The following ZSCAN32 variants were observed in gnomAD, a reference collection of about 807,000 sequenced individuals.
ZSCAN32 encodes zinc finger and SCAN domain-containing protein 32.
ZSCAN32 carries 52 observed loss-of-function variants against 47.4 expected under a neutral mutation model. The observed-to-expected ratio is 1.10, with a 90% confidence interval of 0.88 to 1.38. The LOEUF (loss-of-function observed/expected upper bound fraction) is 1.38. Ranked by LOEUF, ZSCAN32 falls within the 40% of genes most tolerant of loss-of-function variation. The pLI is 0.00. For missense variants in ZSCAN32, 959 were observed against 846.0 expected (o/e 1.13, Z -1.66); for synonymous variants, 346 against 305.7 (o/e 1.13, Z -1.38).
chr16:3,392,554 G>A lies in ZSCAN32; in HGVS notation c.532+1095C>T, dbSNP rs565926558. On this transcript the variant is annotated intron_variant, in intron 3 of 6. Coordinates refer to ENST00000396852, the MANE Select transcript of ZSCAN32 (RefSeq NM_001284527.2). ...TTTAAAAAGTTTTCTAAGGCCAGGC[G>A]TGGTGGCTCATGCCTGTAATCCCAG... Among the ~76,000 whole-genome samples the A allele has an allele frequency of 1.4e-4, 21 of 152,214 alleles. No homozygotes were observed. In the East Asian group the frequency reaches 2.3e-3, roughly 17 times the overall value.
In ZSCAN32 at chr16:3,383,862, T is replaced by C. The variant is rs368594357; in HGVS notation, c.1235-151A>G. On this transcript the variant is annotated intron_variant, in intron 6 of 6. Coordinates refer to ENST00000396852, the MANE Select transcript of ZSCAN32 (RefSeq NM_001284527.2). ...TGCTAATTAATAGCTTTTTATTTTC[T>C]CATTGTAATATTTTTGAGCTCCAAA... 1.2e-4 allele frequency: 114 copies of C among 927,290 alleles called. 2 individuals carry two copies. In the South Asian group the frequency reaches 2.4e-3, roughly 20 times the overall value. The allele number at this position is 927,290 out of a possible 1,614,324, so 57.4% of individuals were successfully genotyped here.
intron 2 of ZSCAN32, among the ~76,000 whole-genome samples, chr16:3,394,257 C>T (rs940037380): frequency 1.3e-5 from 2 of 152,094 alleles, no homozygotes; most frequent in African/African-American, 2.4e-5. Flanking sequence ...CACAGCAAGA[C>T]TCTGTCTCAA....
chr16:3,393,224 ATATAAATTTATATAT>A (rs2032991421), intron 3 of ZSCAN32, among the ~76,000 whole-genome samples: 6 of 25,140 alleles, frequency 2.4e-4, no homozygotes, highest in African/African-American at 3.7e-4. Flanking sequence ...ATATATATAT[ATATAAATTTATATAT>A]TTTATATATA....
At chr16:3,393,195 T>TATATAA (rs2032942790) in intron 3 of ZSCAN32, among the ~76,000 whole-genome samples, 3 of 22,976 alleles carry the variant, frequency 1.3e-4, no homozygotes, top group African/African-American at 1.1e-3. Flanking sequence ...TATATTTATA[T>TATATAA]ATATATTTAT....
intron 3 of ZSCAN32, among the ~76,000 whole-genome samples, chr16:3,393,218 A>AAAATATATATATATAAATATATATATATT (rs1596219602): frequency 2.6e-4 from 5 of 19,146 alleles, no homozygotes; most frequent in African/African-American, 2.0e-3. Context: ...TTATATATAT[A>AAAATATATATATATAAATATATATATATT]TATATATATA....
Position 3,393,636 on chromosome 16 carries a change from G to C in ZSCAN32, c.532+13C>G, listed in dbSNP as rs1247916435. ...CTCACCTGCCTCAGGTGAGGACAGA[G>C]GCTTCTGCTTACCTTCTGACTGTTC... On this transcript the variant is annotated intron_variant, in intron 3 of 6. Coordinates refer to ENST00000396852, the MANE Select transcript of ZSCAN32 (RefSeq NM_001284527.2). 1 of 1,540,434 alleles carries C rather than the reference G, an allele frequency of 6.5e-7. No individual in the cohort carries two copies.
At position 3,397,269 on chromosome 16, in the gene ZSCAN32, C is replaced by A. The variant is rs146754503; in HGVS notation, c.289G>T (p.Val97Leu). 1 of 1,569,924 alleles carries A rather than the reference C, an allele frequency of 6.4e-7. No individual in the cohort carries two copies. Among genetic ancestry groups the A allele is most frequent in the Non-Finnish European group, 8.6e-7 (1 of 1,157,610 alleles). Reference protein sequence around the residue: ...TILPEEIQTWVREQHPENGEE... With the variant: ...TILPEEIQTWLREQHPENGEE... ...CCGTTTTCTGGATGCTGCTCCCTCA[C>A]CCAGGTCTGGATCTCCTCTGGCAAG... Residue 97 changes from valine (V) to leucine (L), a missense_variant, in exon 2 of 7, where the codon GTG becomes TTG. Transcript: ENST00000396852.
chr16:3,386,504 C>A (rs978484534), intron 5 of ZSCAN32, among the ~76,000 whole-genome samples: 1 of 152,046 alleles, frequency 6.6e-6, no homozygotes, highest in African/African-American at 2.4e-5. Context: ...ATGTTTATTG[C>A]GGCACTATTC....
intron 1 of ZSCAN32, 111 bp downstream of exon 1, chr16:3,400,834 T>G (rs995495451): frequency 3.3e-5 from 5 of 152,162 alleles, no homozygotes; most frequent in Admixed American, 2.6e-4. Flanking sequence ...GAGACGCCCA[T>G]CGGGGCCGGA....
Position 3,390,019 on chromosome 16 carries a change from C to T in ZSCAN32, c.742G>A (p.Val248Ile), listed in dbSNP as rs376157839. 1.1e-5 allele frequency: 18 copies of T among 1,612,306 alleles called. No individual in the cohort carries two copies. Among genetic ancestry groups the T allele is most frequent in the African/African-American group, 5.3e-5 (4 of 74,992 alleles). Residue 248 changes from valine (V) to isoleucine (I), a missense_variant, in exon 5 of 7, where the codon GTC becomes ATC. Physicochemically the swap from Val to Ile is conservative, Grantham distance 29. Transcript: ENST00000396852. ...GAAGATGGATCCTTACCCAGCGAGA[C>T]GTGACTGTCCTTCCTCTGGGTGGCA... ...RGATQRKDSH[V>I]SLATGVPWGY...
In ZSCAN32 at chr16:3,384,714, C is replaced by G. The variant is rs746848827; in HGVS notation, c.979G>C (p.Glu327Gln). 2 of 1,614,222 alleles carry G rather than the reference C, an allele frequency of 1.2e-6. No individual in the cohort carries two copies. Among genetic ancestry groups the G allele is most frequent in the South Asian group, 1.1e-5 (1 of 91,080 alleles). ...YRKVRRGRVP[E>Q]PCIFYEEMNA... ...ATTTCCTCATAAAAGATACAAGGCTCAGGCACACGGCCTCTCCTCACTTTG... is the reference window on the plus strand; with the variant it reads ...ATTTCCTCATAAAAGATACAAGGCTGAGGCACACGGCCTCTCCTCACTTTG... The change falls in exon 6 of 7, where the codon GAG becomes CAG. Residue 327 changes from glutamate to glutamine, a missense_variant. Transcript: ENST00000396852.
chr16:3,398,507 T>G (rs947380656), intron 1 of ZSCAN32, among the ~76,000 whole-genome samples: 10 of 152,152 alleles, frequency 6.6e-5, no homozygotes, highest in South Asian at 2.1e-4. Context: ...TTAAACTCTT[T>G]CTCTATTGCA....
rs1394021974 is a variant in ZSCAN32, at chr16:3,384,720, C to T, written c.973G>A (p.Val325Met). The change falls in exon 6 of 7, where the codon GTG becomes ATG. Residue 325 changes from valine (V) to methionine (M), a missense_variant. Val to Met is a conservative substitution (Grantham distance 21). Coordinates refer to ENST00000396852, the MANE Select transcript of ZSCAN32 (RefSeq NM_001284527.2). ...TCATAAAAGATACAAGGCTCAGGCACACGGCCTCTCCTCACTTTGCGGTAA... is the reference window on the plus strand; with the variant it reads ...TCATAAAAGATACAAGGCTCAGGCATACGGCCTCTCCTCACTTTGCGGTAA... ...LSYRKVRRGR[V>M]PEPCIFYEEM... 1.2e-6 allele frequency: 2 copies of T among 1,614,178 alleles called. No homozygotes were observed. The highest frequency in any genetic ancestry group is 8.5e-7 in the Non-Finnish European group (1 of 1,180,036).
intron 5 of ZSCAN32, among the ~76,000 whole-genome samples, chr16:3,388,824 G>C (rs1009336653): frequency 6.6e-6 from 1 of 152,156 alleles, no homozygotes; most frequent in Non-Finnish European, 1.5e-5. Context: ...ATGAAGACTG[G>C]TGTCTGCAAA....
At chr16:3,399,695 C>A (rs1407847602) in intron 1 of ZSCAN32, among the ~76,000 whole-genome samples, 2 of 152,118 alleles carry the variant, frequency 1.3e-5, no homozygotes, top group Non-Finnish European at 2.9e-5. Context: ...ATCCTCCCAC[C>A]TCAACCTCCC....
At chr16:3,390,256 C>G in intron 4 of ZSCAN32, 123 bp from the exon 5 acceptor site, 3 of 1,441,388 alleles carry the variant, frequency 2.1e-6, no homozygotes, top group African/African-American at 1.4e-5. Context: ...GGTCAGCTCC[C>G]AGTGGGACAG....
chr16:3,389,803 T>C (rs2150885390), intron 5 of ZSCAN32, among the ~76,000 whole-genome samples: 2 of 152,324 alleles, frequency 1.3e-5, no homozygotes, highest in South Asian at 4.1e-4. Context: ...ACCTCCCATG[T>C]TCTTGACTGC....
chr16:3,398,373 C>T (rs895540641), intron 1 of ZSCAN32, among the ~76,000 whole-genome samples: 1 of 152,148 alleles, frequency 6.6e-6, no homozygotes, highest in Non-Finnish European at 1.5e-5. Flanking sequence ...TGAATGCATC[C>T]CCAACCAGTC....
In ZSCAN32 at chr16:3,384,943, T is replaced by C. The variant is rs758457529; in HGVS notation, c.752-2A>G. 6.2e-7 allele frequency: 1 copy of C among 1,609,374 alleles called. No individual in the cohort carries two copies. The highest frequency in any genetic ancestry group is 1.1e-5 in the South Asian group (1 of 90,910). The stretch of plus-strand genomic sequence containing the variant: ...CATAGCCCCAGGGCACACCTGTTGC[T>C]GGGGGACAAAGAATAGGTCAATTAG... On this transcript the variant is annotated splice_acceptor_variant, in intron 5 of 6. Transcript: ENST00000396852. LOFTEE classifies it high-confidence loss of function.
Sources: gnomAD v4.1 joint callset for allele counts (sites outside exome capture counted in the v4.1 genomes callset) on GRCh38, gnomAD v4.1.1 for gene constraint, MANE v1.5 for transcripts, NCBI Gene and HGNC (gene_info 2026-07-23, HGNC 2026-07-21) for gene names.